The following IL7 variants were observed in gnomAD, a reference collection of about 807,000 sequenced individuals.
The protein encoded by IL7 is interleukin 7.
A neutral mutation model predicts 21.6 loss-of-function variants in IL7; 3 were observed. The observed-to-expected ratio is 0.14, with a 90% confidence interval of 0.06 to 0.36. IL7 has a LOEUF of 0.36. IL7 is among the 10% of genes least tolerant of loss of function. IL7 has a pLI of 1.00. For synonymous variants in IL7, 62 were observed against 68.1 expected, an observed-to-expected ratio of 0.91 and a Z score of 0.44; for missense variants, 175 against 200.2, an observed-to-expected ratio of 0.87 and a Z score of 0.76.
downstream of IL7, chr8:78,717,184 G>A (rs1305075224): frequency 1.5e-6 from 1 of 687,124 alleles, no homozygotes; most frequent in Admixed American, 3.6e-5. Context: ...TACTAACAAG[G>A]ATTTTTTAAA....
At chr8:78,684,302 C>G (rs1325261457) in intron 4 of IL7, among the ~76,000 whole-genome samples, 1 of 152,194 alleles carries the variant, frequency 6.6e-6, no homozygotes, top group Non-Finnish European at 1.5e-5. Context: ...GCCTCACAAT[C>G]ATGGTGGAAG....
intron 3 of IL7, among the ~76,000 whole-genome samples, chr8:78,705,664 C>T (rs1810749944): frequency 6.6e-6 from 1 of 152,134 alleles, no homozygotes; most frequent in African/African-American, 2.4e-5. Context: ...CTCCAAACCC[C>T]AGAGACTGAA....
chr8:78,740,053 G>A lies in IL7; in HGVS notation c.177C>T (p.Cys59=). ...LDSMKEIGSN[C]LNNEFNFFKR... is the part of the protein sequence containing the mutation. ...TAAAAAAGTTAAATTCATTATTCAGGCAATTGCTACCAATTTCTTTCATGC... is the reference window on the plus strand; with the variant it reads ...TAAAAAAGTTAAATTCATTATTCAGACAATTGCTACCAATTTCTTTCATGC... The change falls in exon 3 of 6, where the codon TGC becomes TGT. Residue 59 remains cysteine (C), a synonymous_variant. Transcript: ENST00000263851. 1 of 1,529,376 alleles carries A rather than the reference G, an allele frequency of 6.5e-7. No individual in the cohort carries two copies. The highest frequency in any genetic ancestry group is 2.5e-5 in the East Asian group (1 of 39,892). 94.7% of individuals were successfully genotyped at this position (1,529,376 alleles called of 1,614,324 possible). A position where few individuals can be genotyped will look rare whatever the true frequency, so the allele number is the denominator to read the frequency against.
rs192462988 is a variant in IL7 at position 78,753,709 on chromosome 8, C to G, written c.148-13627G>C. On this transcript the variant is annotated intron_variant, in intron 2 of 5. Coordinates refer to ENST00000263851, the MANE Select transcript of IL7 (RefSeq NM_000880.4). Reference sequence around the variant, plus strand: ...TTCTAGGGTTTTTATGGTTTTAGGTCGTATGTTTAAGTCTTTAATCCATCT... The same window carrying G: ...TTCTAGGGTTTTTATGGTTTTAGGTGGTATGTTTAAGTCTTTAATCCATCT... Among the ~76,000 whole-genome samples, 369 of 152,150 alleles carry G rather than the reference C, an allele frequency of 2.4e-3. 2 individuals are homozygous for G. The highest frequency in any genetic ancestry group is 8.3e-3 in the African/African-American group (344 of 41,502).
At chr8:78,698,633 C>T (rs1810509195) in intron 3 of IL7, 2 of 751,456 alleles carry the variant, frequency 2.7e-6, no homozygotes, top group African/African-American at 3.6e-5. Context: ...TGTCTTTTAA[C>T]ATTTTGCTGG....
intron 2 of IL7, among the ~76,000 whole-genome samples, chr8:78,752,339 A>G (rs1168261729): frequency 1.3e-5 from 2 of 152,144 alleles, no homozygotes; most frequent in African/African-American, 4.8e-5. Context: ...TAATTTTGTG[A>G]GGAAACTTCA....
intron 4 of IL7, among the ~76,000 whole-genome samples, chr8:78,681,478 C>T (rs1457768497): frequency 6.6e-6 from 1 of 152,036 alleles, no homozygotes; most frequent in Non-Finnish European, 1.5e-5. Flanking sequence ...AATTTGCTGA[C>T]GTTTAAGATT....
chr8:78,683,535 G>T, intron 4 of IL7, among the ~76,000 whole-genome samples: 1 of 152,100 alleles, frequency 6.6e-6, no homozygotes, highest in East Asian at 1.9e-4. Flanking sequence ...AAATCCCTAC[G>T]CTGCACACAG....
At chr8:78,698,103 A>C (rs1334786510) in intron 3 of IL7, among the ~76,000 whole-genome samples, 1 of 152,088 alleles carries the variant, frequency 6.6e-6, no homozygotes, top group Non-Finnish European at 1.5e-5. Flanking sequence ...CTCTCATTTT[A>C]TGCTAGCTCT....
At chr8:78,717,169 G>A (rs1264425189), downstream of IL7, among the ~76,000 whole-genome samples, 1 of 152,072 alleles carries the variant, frequency 6.6e-6, no homozygotes, top group Non-Finnish European at 1.5e-5. Flanking sequence ...TAGAATTTTA[G>A]TATTTACTAA....
downstream of IL7, chr8:78,717,346 A>C (rs141485055): frequency 5.0e-6 from 8 of 1,608,948 alleles, no homozygotes; most frequent in African/African-American, 6.7e-5. Flanking sequence ...GGGACTGTGC[A>C]TCTTCCCTTA....
At chr8:78,750,409 A>C (rs1310416631) in intron 2 of IL7, among the ~76,000 whole-genome samples, 1 of 152,136 alleles carries the variant, frequency 6.6e-6, no homozygotes, top group Non-Finnish European at 1.5e-5. Context: ...GCTATGAAAA[A>C]AAAAATTACA....
downstream of IL7, among the ~76,000 whole-genome samples, chr8:78,714,502 C>T (rs1433586780): frequency 6.6e-6 from 1 of 152,140 alleles, no homozygotes; most frequent in Non-Finnish European, 1.5e-5. Context: ...GAGACTCAGA[C>T]TTGCTGTCAC....
At chr8:78,775,667 G>A (rs1467446041) in intron 2 of IL7, among the ~76,000 whole-genome samples, 2 of 152,004 alleles carry the variant, frequency 1.3e-5, no homozygotes, top group Non-Finnish European at 2.9e-5. Flanking sequence ...TCTTCCTGTA[G>A]CGTTTTACTG....
At chr8:78,771,815 C>T (rs1214173527) in intron 2 of IL7, among the ~76,000 whole-genome samples, 1 of 152,078 alleles carries the variant, frequency 6.6e-6, no homozygotes, top group Non-Finnish European at 1.5e-5. Flanking sequence ...AAACTGCCCC[C>T]CTTTCTGTTG....
downstream of IL7, chr8:78,715,306 T>G (rs765810424): frequency 6.2e-7 from 1 of 1,613,468 alleles, no homozygotes; most frequent in Admixed American, 1.7e-5. Context: ...AAGAAAAACA[T>G]ATACTGAGAG....
intron 2 of IL7, chr8:78,762,553 G>T: frequency 3.0e-6 from 1 of 338,936 alleles, no homozygotes. Flanking sequence ...GCCGACGCGC[G>T]GGGGAGGGGC....
chr8:78,736,767 G>C (rs1811609298), intron 4 of IL7, among the ~76,000 whole-genome samples: 1 of 152,102 alleles, frequency 6.6e-6, no homozygotes, highest in Non-Finnish European at 1.5e-5. Context: ...TTGTAGGTCT[G>C]CCTAGTACTG....
intron 2 of IL7, among the ~76,000 whole-genome samples, chr8:78,754,890 A>G (rs2130744782): frequency 6.6e-6 from 1 of 152,216 alleles, no homozygotes; most frequent in Middle Eastern, 3.4e-3. Context: ...TTGAAATCTC[A>G]GCCACAATAT....
Sources: gnomAD v4.1 joint callset for allele counts (sites outside exome capture counted in the v4.1 genomes callset) on GRCh38, gnomAD v4.1.1 for gene constraint, MANE v1.5 for transcripts, NCBI Gene and HGNC (gene_info 2026-07-23, HGNC 2026-07-21) for gene names.